The following MTCL1 variants were observed in gnomAD, a reference collection of about 807,000 sequenced individuals.
The protein encoded by MTCL1 is microtubule crosslinking factor 1.
In MTCL1, 79 loss-of-function variants were observed where a neutral mutation model predicts 141.4. The ratio of observed to expected loss-of-function variants is 0.56; its 90% CI spans 0.47 to 0.67. The LOEUF (loss-of-function observed/expected upper bound fraction) is 0.67, where lower values mean the gene tolerates loss of function less well. Ranked by LOEUF, MTCL1 falls within the 30% of genes least tolerant of loss-of-function variation. The pLI, the probability that MTCL1 is intolerant of heterozygous loss-of-function variation, is 0.00. For synonymous variants in MTCL1, 914 were observed against 875.8 expected (o/e 1.04, Z -0.77); for missense variants, 2,177 against 2,113.9 (o/e 1.03, Z -0.59).
intron 4 of MTCL1, among the ~76,000 whole-genome samples, chr18:8,776,217 G>A (rs899373248): frequency 3.3e-5 from 5 of 152,152 alleles, no homozygotes; most frequent in Non-Finnish European, 4.4e-5. Flanking sequence ...CTTTCCTTTC[G>A]CAGGCTTGCC....
intron 4 of MTCL1, among the ~76,000 whole-genome samples, chr18:8,768,297 ATGT>A (rs1326752380): frequency 6.6e-6 from 1 of 152,258 alleles, no homozygotes; most frequent in Non-Finnish European, 1.5e-5. Flanking sequence ...TCCAAAATAC[ATGT>A]TGTTAACTAG....
Position 8,812,114 on chromosome 18 carries a change from TTAGA to T in MTCL1, c.2605-862_2605-859del, listed in dbSNP as rs552660490. 6.9e-3 allele frequency among the ~76,000 whole-genome samples: 1,049 copies of T among 152,302 alleles called. 9 individuals carry two copies. The highest frequency in any genetic ancestry group is 0.024 in the African/African-American group (977 of 41,550). On this transcript the variant is annotated intron_variant, in intron 11 of 16. Transcript: ENST00000359865. Reference sequence around the variant, plus strand: ...ACAACACACTGTAACAATTTTTGCTTTAGATAATCAAATATTAAAACAGAAAATA... The same window carrying T: ...ACAACACACTGTAACAATTTTTGCTTTAATCAAATATTAAAACAGAAAATA...
chr18:8,712,305 T>G (rs570747758), intron 1 of MTCL1, among the ~76,000 whole-genome samples: 203 of 152,332 alleles, frequency 1.3e-3, no homozygotes, highest in Non-Finnish European at 2.4e-3. Context: ...GTTTTGGTTT[T>G]ATAGGTTGCA....
At chr18:8,818,917 A>G (rs753422516) in intron 12 of MTCL1, 46 bp from the exon 12 acceptor site, 3 of 1,563,616 alleles carry the variant, frequency 1.9e-6, no homozygotes, top group Non-Finnish European at 2.6e-6. Context: ...GGAGACCATC[A>G]GACAGAAAAG....
intron 7 of MTCL1, chr18:8,786,447 CCCTGCTCTGGAGGAAACTCT>C (rs1346939936): frequency 2.1e-6 from 1 of 467,472 alleles, no homozygotes; most frequent in Non-Finnish European, 4.2e-6. Flanking sequence ...GCACGGGCTT[CCCTGCTCTGGAGGAAACTCT>C]CCTTAGAGTT....
At chr18:8,809,788 A>G (rs997839318) in intron 11 of MTCL1, 2 of 628,172 alleles carry the variant, frequency 3.2e-6, no homozygotes, top group Non-Finnish European at 5.3e-6. Context: ...TGGGATGGAA[A>G]GGGGACAGGT....
intron 16 of MTCL1, chr18:8,831,300 T>C: frequency 8.4e-7 from 1 of 1,187,870 alleles, no homozygotes; most frequent in African/African-American, 1.6e-5. Context: ...GCTGCCACAG[T>C]CACTGTGTCA....
chr18:8,831,516 C>G, intron 16 of MTCL1, 91 bp from the exon 15 acceptor site: 2 of 1,502,794 alleles, frequency 1.3e-6, no homozygotes, highest in Non-Finnish European at 1.8e-6. Context: ...CTTCATCTCA[C>G]TTGAGTCTGT....
chr18:8,758,043 A>C (rs1415712884), intron 4 of MTCL1, among the ~76,000 whole-genome samples: 2 of 142,118 alleles, frequency 1.4e-5, no homozygotes, highest in African/African-American at 2.7e-5. Flanking sequence ...TTTTTTTGAG[A>C]CAGAGTTTCA....
exon 1 of MTCL1, chr18:8,706,070 C>T (rs1054404101): frequency 1.8e-5 from 22 of 1,196,250 alleles, no homozygotes; most frequent in Non-Finnish European, 2.1e-5. Flanking sequence ...CGCGTGGCGC[C>T]CGCGGAGCCG....
intron 11 of MTCL1, among the ~76,000 whole-genome samples, chr18:8,807,792 G>A (rs550001935): frequency 2.6e-5 from 4 of 152,268 alleles, no homozygotes; most frequent in African/African-American, 7.2e-5. Context: ...TGCTGAGAGC[G>A]TCTCTCGAGG....
chr18:8,809,591 C>A (rs1465617233), intron 11 of MTCL1: 4 of 1,535,544 alleles, frequency 2.6e-6, no homozygotes, highest in African/African-American at 1.4e-5. Context: ...AGTAAAGCAG[C>A]AGCAGTGGAG....
Position 8,725,780 on chromosome 18 carries a change from TTTTTTTTTTC to T in MTCL1, c.357+5294_357+5303del, listed in dbSNP as rs1355874224. ...TATGTATTTTGGTGCCATTTTCTTT[TTTTTTTTTTC>T]TTTTTTTTTTTTTTTTTGAGATGGA... On this transcript the variant is annotated intron_variant, in intron 4 of 16. Transcript: ENST00000359865. Among the ~76,000 whole-genome samples, 13 of 51,434 alleles carry T rather than the reference TTTTTTTTTTC, an allele frequency of 2.5e-4. 1 individual carries two copies. The highest frequency in any genetic ancestry group is 1.5e-3 in the African/African-American group (13 of 8,646). 33.7% of individuals were successfully genotyped at this position (51,434 alleles called of 152,430 possible).
At chr18:8,812,396 C>T (rs987624252) in intron 11 of MTCL1, among the ~76,000 whole-genome samples, 2 of 151,968 alleles carry the variant, frequency 1.3e-5, no homozygotes, top group African/African-American at 4.8e-5. Flanking sequence ...TTTTCTTGAA[C>T]ACTTTAGATG....
intron 4 of MTCL1, among the ~76,000 whole-genome samples, chr18:8,723,701 C>T (rs2096188579): frequency 6.6e-6 from 1 of 152,172 alleles, no homozygotes; most frequent in Non-Finnish European, 1.5e-5. Context: ...TTCTCTGTCT[C>T]CTATTTGTGA....
upstream of MTCL1, among the ~76,000 whole-genome samples, chr18:8,715,271 G>A (rs555871278): frequency 6.6e-6 from 1 of 152,282 alleles, no homozygotes; most frequent in Admixed American, 6.5e-5. Flanking sequence ...GGTGGATGTG[G>A]GCTCTCCAGT....
chr18:8,802,612 C>T (rs946522987), intron 10 of MTCL1, among the ~76,000 whole-genome samples: 10 of 152,218 alleles, frequency 6.6e-5, no homozygotes, highest in African/African-American at 2.4e-4. Context: ...CTTGGATAGA[C>T]AGACTTGGAT....
chr18:8,813,324 G>A, intron 12 of MTCL1, 91 bp downstream of exon 11: 1 of 1,429,220 alleles, frequency 7.0e-7, no homozygotes, highest in Non-Finnish European at 9.4e-7. Context: ...CTGCTTCATG[G>A]TCCTTGCAGC....
At chr18:8,726,198 CT>C (rs1165142181) in intron 4 of MTCL1, among the ~76,000 whole-genome samples, 1 of 150,820 alleles carries the variant, frequency 6.6e-6, no homozygotes, top group Non-Finnish European at 1.5e-5. Context: ...TTGCTTTTTG[CT>C]GTAAATTCTT....
Sources: gnomAD v4.1 joint callset for allele counts (sites outside exome capture counted in the v4.1 genomes callset) on GRCh38, gnomAD v4.1.1 for gene constraint, MANE v1.5 for transcripts, NCBI Gene and HGNC (gene_info 2026-07-23, HGNC 2026-07-21) for gene names.